Variants in TMEM165 observed in about 807,000 individuals in gnomAD.
The protein encoded by TMEM165 is transmembrane protein 165, also known as putative divalent cation/proton antiporter TMEM165.
Under a neutral mutation model 30.0 loss-of-function variants are expected in TMEM165, and 19 were observed. That is an observed-to-expected ratio of 0.63 (90% CI 0.44 to 0.93). The LOEUF (loss-of-function observed/expected upper bound fraction) is 0.93. TMEM165 is among the 40% of genes least tolerant of loss of function. The pLI, the probability that TMEM165 is intolerant of heterozygous loss-of-function variation, is 0.00. For synonymous variants in TMEM165, 168 were observed against 162.9 expected, an observed-to-expected ratio of 1.03 and a Z score of -0.24; for missense variants, 340 against 417.0, an observed-to-expected ratio of 0.82 and a Z score of 1.61.
Position 55,425,370 on chromosome 4 carries a change from T to C in TMEM165, c.899-6T>C. 1 of 1,612,960 alleles carries C rather than the reference T, an allele frequency of 6.2e-7. No individual in the cohort carries two copies. ...CTGTATTTGACTTTTTTTCTCTCTCTTCCAGTGACAATCATAGGAGGCATC... is the reference window on the plus strand; with the variant it reads ...CTGTATTTGACTTTTTTTCTCTCTCCTCCAGTGACAATCATAGGAGGCATC... On this transcript the variant is annotated splice_region_variant and splice_polypyrimidine_tract_variant and intron_variant, in intron 5 of 5. Coordinates refer to ENST00000381334, the MANE Select transcript of TMEM165 (RefSeq NM_018475.5).
rs1372529816 is a variant in TMEM165, at chr4:55,425,953, T to C, written c.*501T>C. 1 of 152,288 alleles carries C rather than the reference T, an allele frequency of 6.6e-6. No individual in the cohort carries two copies. Among genetic ancestry groups the C allele is most frequent in the Non-Finnish European group, 1.5e-5 (1 of 68,074 alleles). The allele number at this position is 152,288 out of a possible 1,614,324, so 9.4% of individuals were successfully genotyped here. ...TTTAAAAAAAGAGACATATATGATA[T>C]TGCTGTTATATCAATAACATGGCAC... is the stretch of plus-strand genomic sequence containing the variant. On this transcript the variant is annotated 3_prime_UTR_variant, in exon 6 of 6. Coordinates refer to ENST00000381334, the MANE Select transcript of TMEM165 (RefSeq NM_018475.5).
chr4:55,419,326 G>T (rs753255891), intron 4 of TMEM165, among the ~76,000 whole-genome samples: 7 of 151,988 alleles, frequency 4.6e-5, no homozygotes, highest in Non-Finnish European at 8.8e-5. Flanking sequence ...GGAACTTTTT[G>T]TTCAAAAAGT....
intron 3 of TMEM165, among the ~76,000 whole-genome samples, chr4:55,436,984 T>C (rs1248907627): frequency 6.6e-6 from 1 of 150,994 alleles, no homozygotes; most frequent in Non-Finnish European, 1.5e-5. Flanking sequence ...AGGCAGGTCC[T>C]CTCCTTTTTT....
At chr4:55,426,401 G>GAGTC (rs1299708989), downstream of TMEM165, among the ~76,000 whole-genome samples, 1 of 152,174 alleles carries the variant, frequency 6.6e-6, no homozygotes, top group East Asian at 1.9e-4. Context: ...TTACATGGTA[G>GAGTC]AGTCACACCA....
chr4:55,396,019 G>GC lies in TMEM165; in HGVS notation c.-167dup, dbSNP rs1720703790. The GC allele has an allele frequency of 4.4e-6, 2 of 455,210 alleles. No homozygotes were observed. Among genetic ancestry groups the GC allele is most frequent in the African/African-American group, 4.1e-5 (2 of 48,232 alleles). 28.2% of individuals were successfully genotyped at this position (455,210 alleles called of 1,614,324 possible). On this transcript the variant is annotated 5_prime_UTR_variant, in exon 1 of 6. Transcript: ENST00000381334. ...GAGCCGGGGCTGCGGACTTCGGCCTGCCCCTCACCTCACTCCCGCTGCTTG... is the reference window on the plus strand; with the variant it reads ...GAGCCGGGGCTGCGGACTTCGGCCTGCCCCCTCACCTCACTCCCGCTGCTTG...
At chr4:55,400,277 A>AATATTATATATTATATATAATATTATAT (rs1560385887) in intron 1 of TMEM165, among the ~76,000 whole-genome samples, 15 of 102,568 alleles carry the variant, frequency 1.5e-4, no homozygotes, top group East Asian at 2.2e-4. Flanking sequence ...TATATAATAT[A>AATATTATATATTATATATAATATTATAT]ATATTATATA....
At chr4:55,450,364 A>G (rs1039562811) in intron 3 of TMEM165, 3 of 953,476 alleles carry the variant, frequency 3.1e-6, no homozygotes, top group Non-Finnish European at 4.9e-6. Flanking sequence ...ATGTACATAC[A>G]CATGTAAAGA....
At chr4:55,401,423 T>C (rs1453495446) in intron 1 of TMEM165, among the ~76,000 whole-genome samples, 2 of 150,644 alleles carry the variant, frequency 1.3e-5, no homozygotes, top group African/African-American at 5.0e-5. Flanking sequence ...GGAGATCAGA[T>C]AGATTTAATA....
rs886261212 is a variant in TMEM165 at position 55,401,496 on chromosome 4, G to A, written c.207+5100G>A. Among the ~76,000 whole-genome samples, 16 of 150,670 alleles carry A rather than the reference G, an allele frequency of 1.1e-4. 1 individual carries two copies. Among genetic ancestry groups the A allele is most frequent in the Admixed American group, 1.1e-3 (16 of 15,234 alleles). On this transcript the variant is annotated intron_variant, in intron 1 of 5. Transcript: ENST00000381334. ...AAAGAAGAATGACTCTGGTTGCATA[G>A]CACTTCTAATAAAGCCACAAAATCA...
chr4:55,449,862 ACATCAC>A (rs1577698825), intron 3 of TMEM165, among the ~76,000 whole-genome samples: 3 of 152,208 alleles, frequency 2.0e-5, no homozygotes, highest in East Asian at 3.8e-4. Flanking sequence ...ATGATTAAAA[ACATCAC>A]CATCACCATT....
rs1420110071 is a variant in TMEM165, at chr4:55,397,809, C to T, written c.207+1413C>T. On this transcript the variant is annotated intron_variant, in intron 1 of 5. Coordinates refer to ENST00000381334, the MANE Select transcript of TMEM165 (RefSeq NM_018475.5). Reference sequence around the variant, plus strand: ...TCGCCCAGGCTGGAGTGCAGTGGCCCCGTCTTGGCTCACTGCAACCTCTAA... The same window carrying T: ...TCGCCCAGGCTGGAGTGCAGTGGCCTCGTCTTGGCTCACTGCAACCTCTAA... 6.6e-5 allele frequency among the ~76,000 whole-genome samples: 10 copies of T among 152,058 alleles called. No homozygotes were observed. In the East Asian group the frequency reaches 1.9e-3, roughly 29 times the overall value.
intron 3 of TMEM165, among the ~76,000 whole-genome samples, chr4:55,440,962 T>C (rs1201913936): frequency 1.3e-5 from 2 of 151,540 alleles, no homozygotes; most frequent in African/African-American, 2.4e-5. Flanking sequence ...ATGAAACTGC[T>C]TACAAAAACA....
intron 3 of TMEM165, chr4:55,444,006 A>T: frequency 1.1e-6 from 1 of 883,468 alleles, no homozygotes; most frequent in East Asian, 2.6e-5. Flanking sequence ...AGCAAGTAAC[A>T]AGGCTAAGTC....
chr4:55,427,011 G>GAA (rs1020584599), downstream of TMEM165, among the ~76,000 whole-genome samples: 5 of 150,790 alleles, frequency 3.3e-5, no homozygotes, highest in East Asian at 5.9e-4. Context: ...TTGTTATAAA[G>GAA]AAAGAGTGAG....
intron 3 of TMEM165, among the ~76,000 whole-genome samples, chr4:55,441,083 C>T (rs556115613): frequency 1.3e-4 from 20 of 152,306 alleles, no homozygotes; most frequent in South Asian, 1.2e-3. Context: ...ATTGCTTTTA[C>T]TAGTTTGGTC....
chr4:55,414,267 C>G (rs1359049165), intron 2 of TMEM165, among the ~76,000 whole-genome samples: 5 of 125,018 alleles, frequency 4.0e-5, no homozygotes, highest in Non-Finnish European at 8.4e-5. Context: ...GAGACTCCGT[C>G]TCAAAAAAAA....
At chr4:55,428,494 A>G (rs62303687), downstream of TMEM165, 2 of 152,232 alleles carry the variant, frequency 1.3e-5, no homozygotes, top group Non-Finnish European at 2.9e-5. Context: ...GCAGAAGACA[A>G]CAAATGGAAA....
At chr4:55,434,068 T>G (rs576026322) in intron 3 of TMEM165, 3 of 152,772 alleles carry the variant, frequency 2.0e-5, no homozygotes, top group African/African-American at 7.2e-5. Context: ...CTGATAGCAG[T>G]CTTCAGAGGA....
intron 3 of TMEM165, among the ~76,000 whole-genome samples, chr4:55,444,249 C>T (rs566072276): frequency 6.6e-6 from 1 of 152,098 alleles, no homozygotes; most frequent in African/African-American, 2.4e-5. Context: ...GCTGGTTGGT[C>T]ATATAAGACT....
Sources: allele counts gnomAD v4.1 joint callset (sites outside exome capture counted in the v4.1 genomes callset), GRCh38; gene constraint gnomAD v4.1.1; transcripts MANE v1.5; gene names NCBI Gene and HGNC (gene_info 2026-07-23, HGNC 2026-07-21).